Variants in PTPN3 observed in about 807,000 individuals in gnomAD.
The protein encoded by PTPN3 is protein tyrosine phosphatase non-receptor type 3, also known as tyrosine-protein phosphatase non-receptor type 3.
Under a neutral mutation model 132.7 loss-of-function variants are expected in PTPN3, and 96 were observed. The ratio of observed to expected loss-of-function variants is 0.72; its 90% CI spans 0.61 to 0.86. PTPN3 has a LOEUF of 0.86. PTPN3 is among the 40% of genes least tolerant of loss of function. The probability of loss-of-function intolerance (pLI) is 0.00; values close to 1 mark genes in which losing one functional copy is unlikely to be tolerated. For synonymous variants in PTPN3, 398 were observed against 429.0 expected (o/e 0.93, Z 0.89); for missense variants, 1,125 against 1,159.6 (o/e 0.97, Z 0.43).
chr9:109,462,503 C>T (rs918700177), intron 2 of PTPN3, among the ~76,000 whole-genome samples: 9 of 152,120 alleles, frequency 5.9e-5, no homozygotes, highest in Non-Finnish European at 1.2e-4. Context: ...CTGAACTTTA[C>T]AGGTTGGGGC....
intron 5 of PTPN3, chr9:109,449,629 T>C: frequency 1.0e-6 from 1 of 985,440 alleles, no homozygotes; most frequent in Non-Finnish European, 1.2e-6. Flanking sequence ...AGACTTCTAT[T>C]TAGGGATGCG....
rs1842972695 is a variant in PTPN3, at chr9:109,422,789, C to T, written c.1065G>A (p.Arg355=). The part of the protein sequence containing the change: ...IGGMVWNPAM[R]RSLSVEHLET... ...CTAAGTGCTCCACTGATAAGGATCT[C>T]CGCATGGCTGGGTTCCACACCATCC... Residue 355 remains arginine (R), a synonymous_variant, in exon 13 of 26, where the codon CGG becomes CGA. Coordinates refer to ENST00000374541, the MANE Select transcript of PTPN3 (RefSeq NM_002829.4). The T allele has an allele frequency of 1.8e-5, 29 of 1,611,880 alleles. No individual in the cohort carries two copies. Among genetic ancestry groups the T allele is most frequent in the Non-Finnish European group, 2.3e-5 (27 of 1,178,118 alleles).
chr9:109,488,184 C>T (rs1466074899), intron 1 of PTPN3, among the ~76,000 whole-genome samples: 1 of 151,144 alleles, frequency 6.6e-6, no homozygotes, highest in Non-Finnish European at 1.5e-5. Flanking sequence ...CAACCTCTGC[C>T]CCCACACCCC....
chr9:109,436,286 C>T (rs1296892038), intron 9 of PTPN3, among the ~76,000 whole-genome samples: 1 of 152,122 alleles, frequency 6.6e-6, no homozygotes, highest in Non-Finnish European at 1.5e-5. Flanking sequence ...CGGTTATGTC[C>T]CTGAGTATCA....
intron 12 of PTPN3, among the ~76,000 whole-genome samples, chr9:109,426,596 G>C (rs772341747): frequency 8.3e-4 from 126 of 152,316 alleles, no homozygotes; most frequent in Non-Finnish European, 1.7e-3. Context: ...TTCTGTGGGA[G>C]AGGCTGGCAT....
At chr9:109,442,070 CAG>C (rs1844516019) in intron 7 of PTPN3, among the ~76,000 whole-genome samples, 1 of 151,660 alleles carries the variant, frequency 6.6e-6, no homozygotes, top group East Asian at 1.9e-4. Flanking sequence ...TTTTTTGAGA[CAG>C]AGTCTCACTC....
chr9:109,521,361 T>C, the PTPN3 span, among the ~76,000 whole-genome samples: 1 of 152,102 alleles, frequency 6.6e-6, no homozygotes, highest in Non-Finnish European at 1.5e-5. Flanking sequence ...GGTATCACCA[T>C]GTTGCCCAGG....
chr9:109,493,420 T>C (rs1847545510), intron 1 of PTPN3, among the ~76,000 whole-genome samples: 2 of 152,220 alleles, frequency 1.3e-5, no homozygotes, highest in South Asian at 4.1e-4. Flanking sequence ...GTTTGTTCCC[T>C]ATGGGGGCTC....
rs139789183 is a variant in PTPN3 at position 109,488,805 on chromosome 9, C to T, written c.-18+9414G>A. On this transcript the variant is annotated intron_variant, in intron 1 of 25. Coordinates refer to ENST00000374541, the MANE Select transcript of PTPN3 (RefSeq NM_002829.4). ...TTCCTGATAAATGGCCCTGTAGTGA[C>T]CTTGTTACTGGGATCCCTAGATGCT... Among the ~76,000 whole-genome samples the T allele has an allele frequency of 1.1e-4, 16 of 152,256 alleles. No individual in the cohort carries two copies. In the East Asian group the frequency reaches 2.9e-3, roughly 28 times the overall value.
At chr9:109,385,831 C>CA (rs1473579202) in intron 22 of PTPN3, among the ~76,000 whole-genome samples, 2 of 152,210 alleles carry the variant, frequency 1.3e-5, no homozygotes, top group Non-Finnish European at 2.9e-5. Flanking sequence ...GCTCTGTCCT[C>CA]AGAGATTCAC....
At position 109,461,820 on chromosome 9, in the gene PTPN3, TG is replaced by T. The variant is rs200417247; in HGVS notation, c.138+1476del. ...CAAATGTCCAATTGCCACATGCGGC[TG>T]GGGGGCTCCCCTATGGGTTAGTGCA... On this transcript the variant is annotated intron_variant, in intron 2 of 25. Transcript: ENST00000374541. Among the ~76,000 whole-genome samples, 860 of 152,208 alleles carry T rather than the reference TG, an allele frequency of 5.7e-3. 13 individuals are homozygous for T. The highest frequency in any genetic ancestry group is 0.02 in the African/African-American group (815 of 41,532).
chr9:109,410,139 T>G, intron 15 of PTPN3, 63 bp from the exon 16 acceptor site: 1 of 1,613,538 alleles, frequency 6.2e-7, no homozygotes, highest in Non-Finnish European at 8.5e-7. Flanking sequence ...GGTGATAAGA[T>G]ATTTTCATTT....
In PTPN3 at chr9:109,404,480, G is replaced by C. The variant is rs761872639; in HGVS notation, c.1921C>G (p.Leu641Val). The change falls in exon 19 of 26, where the codon CTC becomes GTC. Residue 641 changes from leucine to valine, a missense_variant. By Grantham distance (32) the Leu-to-Val change is conservative. Coordinates refer to ENST00000374541, the MANE Select transcript of PTPN3 (RefSeq NM_002829.4). The stretch of plus-strand genomic sequence containing the variant: ...TGGATCAGCACCGTCCCGCTTTCGA[G>C]GCCCTTCTTTAGCTGTGCCATGGAT... ...EGSMAQLKKG[L>V]ESGTVLIQFE... The C allele has an allele frequency of 3.9e-6, 6 of 1,529,030 alleles. No homozygotes were observed. The highest frequency in any genetic ancestry group is 5.3e-6 in the Non-Finnish European group (6 of 1,124,728). The allele number at this position is 1,529,030 out of a possible 1,614,324, so 94.7% of individuals were successfully genotyped here.
the PTPN3 span, among the ~76,000 whole-genome samples, chr9:109,534,632 C>CAAAAAAAAAAAAAAAAAAAA: frequency 1.1e-4 from 12 of 108,686 alleles, no homozygotes; most frequent in South Asian, 3.7e-4. Flanking sequence ...CAAAAAAATA[C>CAAAAAAAAAAAAAAAAAAAA]AAAAAAAAAA....
intron 1 of PTPN3, among the ~76,000 whole-genome samples, chr9:109,486,634 G>T (rs1847225123): frequency 6.6e-6 from 1 of 152,084 alleles, no homozygotes; most frequent in African/African-American, 2.4e-5. Context: ...TGCAGAGGAG[G>T]GGCCTGGGGG....
chr9:109,381,663 C>G lies in PTPN3; in HGVS notation c.2653G>C (p.Val885Leu), dbSNP rs769178303. 6.2e-7 allele frequency: 1 copy of G among 1,614,134 alleles called. No homozygotes were observed. Among genetic ancestry groups the G allele is most frequent in the Admixed American group, 1.7e-5 (1 of 60,016 alleles). Residue 885 changes from valine to leucine, a missense_variant, in exon 25 of 26, where the codon GTG becomes CTG. Transcript: ENST00000374541. The part of the protein sequence containing the change: ...RKMRDQRAMM[V>L]QTSSQYKFVC... Reference sequence around the variant, plus strand: ...GGATTTCTACTCACTGATGTCTGCACCATCATGGCGCGCTGGTCTCGCATT... The same window carrying G: ...GGATTTCTACTCACTGATGTCTGCAGCATCATGGCGCGCTGGTCTCGCATT...
At chr9:109,474,712 C>T (rs1224226920) in intron 1 of PTPN3, among the ~76,000 whole-genome samples, 1 of 152,132 alleles carries the variant, frequency 6.6e-6, no homozygotes, top group Non-Finnish European at 1.5e-5. Flanking sequence ...AGCGAAATCT[C>T]AGGGCGGATA....
At chr9:109,537,564 C>G in the PTPN3 span, among the ~76,000 whole-genome samples, 1 of 151,692 alleles carries the variant, frequency 6.6e-6, no homozygotes, top group Admixed American at 6.6e-5. Context: ...ATTATGACAT[C>G]TACACTCTAC....
At chr9:109,457,101 G>A (rs1384811051) in intron 4 of PTPN3, 72 bp downstream of exon 4, 24 of 1,503,324 alleles carry the variant, frequency 1.6e-5, no homozygotes, top group Middle Eastern at 1.7e-4. Context: ...AGGCACTGAC[G>A]ATTGGAGGGG....
Sources: gnomAD v4.1 joint callset for allele counts (sites outside exome capture counted in the v4.1 genomes callset) on GRCh38, gnomAD v4.1.1 for gene constraint, MANE v1.5 for transcripts, NCBI Gene and HGNC (gene_info 2026-07-23, HGNC 2026-07-21) for gene names.